The following AHI1 variants were observed in gnomAD, a reference collection of about 807,000 sequenced individuals.
AHI1 encodes the protein jouberin.
AHI1 carries 123 observed loss-of-function variants against 149.3 expected under a neutral mutation model. The ratio of observed to expected loss-of-function variants is 0.82; its 90% confidence interval spans 0.71 to 0.96. The LOEUF (loss-of-function observed/expected upper bound fraction) is 0.96, where lower values mean the gene tolerates loss of function less well. Among genes scored for constraint, AHI1 ranks in the 40% least tolerant of loss-of-function variants. AHI1 has a pLI of 0.00. For missense variants in AHI1, 1,439 were observed against 1,422.7 expected (o/e 1.01, Z -0.18); for synonymous variants, 475 against 459.8 (o/e 1.03, Z -0.42).
At position 135,465,457 on chromosome 6, in the gene AHI1, G is replaced by C. The variant is rs537603107; in HGVS notation, c.749+357C>G. ...AAACAGGTATTTGTAACTCAAAAAA[G>C]GGGAAGTAATTAGGTTTCTATTACT... On this transcript the variant is annotated intron_variant, in intron 7 of 28. Transcript: ENST00000265602. Among the ~76,000 whole-genome samples, 7 of 152,246 alleles carry C rather than the reference G, an allele frequency of 4.6e-5. No homozygotes were observed. The South Asian group carries it at 1.0e-3, about 23-fold the overall frequency.
intron 9 of AHI1, among the ~76,000 whole-genome samples, chr6:135,457,156 T>C (rs1356875019): frequency 1.3e-5 from 2 of 151,990 alleles, no homozygotes; most frequent in Admixed American, 6.6e-5. Flanking sequence ...TGGTGGCGAG[T>C]GCCTGTAATC....
Position 135,446,998 on chromosome 6 carries a change from A to G in AHI1, c.1779+10T>C. 5.6e-6 allele frequency: 9 copies of G among 1,603,464 alleles called. No individual in the cohort carries two copies. The highest frequency in any genetic ancestry group is 7.7e-6 in the Non-Finnish European group (9 of 1,175,456). On this transcript the variant is annotated intron_variant, in intron 13 of 28. Coordinates refer to ENST00000265602, the MANE Select transcript of AHI1 (RefSeq NM_001134831.2). ...CATCTAAATAAATCCACTATTATCA[A>G]ACACTTCACCTGCCCAGGGAGTCGT...
intron 5 of AHI1, among the ~76,000 whole-genome samples, chr6:135,474,944 C>T (rs1016241489): frequency 1.6e-4 from 24 of 152,170 alleles, no homozygotes; most frequent in African/African-American, 5.8e-4. Flanking sequence ...CAAGGATCAC[C>T]TCTTATTTTA....
Position 135,302,178 on chromosome 6 carries a change from T to C in AHI1, c.3427-1620A>G, listed in dbSNP as rs530464564. On this transcript the variant is annotated intron_variant, in intron 26 of 28. Transcript: ENST00000265602. ...AGCTATTCTTTACAAGGTCTCAGTA[T>C]CATTTTTCTCTCTTTGCCCATGGCA... 1.2e-5 allele frequency: 12 copies of C among 985,330 alleles called. No individual in the cohort carries two copies. In the Admixed American group the frequency reaches 1.8e-4, roughly 15 times the overall value. The allele number at this position is 985,330 out of a possible 1,614,324, so 61.0% of individuals were successfully genotyped here.
intron 5 of AHI1, among the ~76,000 whole-genome samples, chr6:135,471,350 G>A (rs1791660289): frequency 6.6e-6 from 1 of 152,142 alleles, no homozygotes; most frequent in African/African-American, 2.4e-5. Context: ...AGTTTCCAGA[G>A]TATCTTCAGT....
chr6:135,340,835 A>C (rs1483689078), intron 24 of AHI1, among the ~76,000 whole-genome samples: 6 of 151,286 alleles, frequency 4.0e-5, no homozygotes, highest in Non-Finnish European at 1.5e-5. Flanking sequence ...CAGAAGGGAA[A>C]TGAACTATCT....
At chr6:135,398,399 T>C (rs1401321848) in intron 22 of AHI1, among the ~76,000 whole-genome samples, 2 of 152,108 alleles carry the variant, frequency 1.3e-5, no homozygotes, top group East Asian at 3.8e-4. Context: ...TCTACAGCAA[T>C]AAGATACCAG....
At chr6:135,422,883 C>T (rs778331113) in intron 20 of AHI1, among the ~76,000 whole-genome samples, 10 of 151,678 alleles carry the variant, frequency 6.6e-5, no homozygotes, top group Non-Finnish European at 1.2e-4. Context: ...AAATTGAAAA[C>T]CAACAACACA....
chr6:135,303,051 C>T (rs186229750), intron 26 of AHI1, among the ~76,000 whole-genome samples: 4 of 152,258 alleles, frequency 2.6e-5, no homozygotes, highest in East Asian at 1.9e-4. Flanking sequence ...TAGAGACTTG[C>T]GCTTTCCAAA....
chr6:135,406,449 T>C (rs879321512), intron 21 of AHI1, among the ~76,000 whole-genome samples: 2 of 152,152 alleles, frequency 1.3e-5, no homozygotes, highest in Non-Finnish European at 2.9e-5. Context: ...TGGCTTGATC[T>C]CTGTAAGCCT....
At chr6:135,300,884 A>G in intron 26 of AHI1, 1 of 1,027,026 alleles carries the variant, frequency 9.7e-7, no homozygotes, top group South Asian at 4.2e-5. Flanking sequence ...GTGGTATATT[A>G]CTTAAGCTCT....
At chr6:135,398,414 A>C (rs548388119) in intron 22 of AHI1, among the ~76,000 whole-genome samples, 1 of 152,286 alleles carries the variant, frequency 6.6e-6, no homozygotes, top group South Asian at 2.1e-4. Context: ...TACCAGAAAA[A>C]TCTTACCCCC....
rs371975498 is a variant in AHI1, at chr6:135,420,349, A to G, written c.2764+6818T>C. ...TTACGAAATGTATTTCTTAAATACTAAGACGTGAAAGTCAAAATTACTCCT... is the reference window on the plus strand; with the variant it reads ...TTACGAAATGTATTTCTTAAATACTGAGACGTGAAAGTCAAAATTACTCCT... On this transcript the variant is annotated intron_variant, in intron 20 of 28. Coordinates refer to ENST00000265602, the MANE Select transcript of AHI1 (RefSeq NM_001134831.2). Among the ~76,000 whole-genome samples, 38 of 152,308 alleles carry G rather than the reference A, an allele frequency of 2.5e-4. 1 individual carries two copies. In the East Asian group the frequency reaches 6.2e-3, roughly 25 times the overall value.
At position 135,487,724 on chromosome 6, in the gene AHI1, A is replaced by T. The variant is rs141167445; in HGVS notation, c.135+2899T>A. 2.5e-3 allele frequency among the ~76,000 whole-genome samples: 384 copies of T among 152,260 alleles called. 1 individual carries two copies. The highest frequency in any genetic ancestry group is 9.1e-3 in the African/African-American group (377 of 41,560). On this transcript the variant is annotated intron_variant, in intron 5 of 28. Coordinates refer to ENST00000265602, the MANE Select transcript of AHI1 (RefSeq NM_001134831.2). ...TTTTGAAATATACAATAAATTATTAACTGTAATTTCCCTACTGTAATACTG... is the reference window on the plus strand; with the variant it reads ...TTTTGAAATATACAATAAATTATTATCTGTAATTTCCCTACTGTAATACTG...
intron 11 of AHI1, 49 bp from the exon 12 acceptor site, chr6:135,448,524 T>C (rs1334104731): frequency 7.6e-7 from 1 of 1,318,390 alleles, no homozygotes; most frequent in Admixed American, 2.2e-5. Flanking sequence ...AAAATAAATA[T>C]ATCCAATAAA....
At chr6:135,439,425 G>A (rs1305526325) in intron 14 of AHI1, among the ~76,000 whole-genome samples, 1 of 152,176 alleles carries the variant, frequency 6.6e-6, no homozygotes, top group African/African-American at 2.4e-5. Flanking sequence ...TTGTCACCCA[G>A]TGCTTTTGTT....
chr6:135,492,449 G>A (rs1795375982), intron 3 of AHI1, 158 bp from the exon 4 acceptor site: 1 of 1,258,200 alleles, frequency 7.9e-7, no homozygotes, highest in East Asian at 3.1e-5. Context: ...CAAATGACTT[G>A]GGTACATTTG....
intron 23 of AHI1, among the ~76,000 whole-genome samples, chr6:135,360,619 C>T (rs944217391): frequency 6.6e-6 from 1 of 152,092 alleles, no homozygotes; most frequent in African/African-American, 2.4e-5. Context: ...AGAACCCTGA[C>T]TAGTAATATA....
At chr6:135,398,075 T>G (rs1203015235) in intron 22 of AHI1, among the ~76,000 whole-genome samples, 1 of 150,854 alleles carries the variant, frequency 6.6e-6, no homozygotes, top group Non-Finnish European at 1.5e-5. Context: ...TTTTTTTTTT[T>G]TTTTTGCAAA....
Sources: allele counts gnomAD v4.1 joint callset (sites outside exome capture counted in the v4.1 genomes callset), GRCh38; gene constraint gnomAD v4.1.1; transcripts MANE v1.5; gene names NCBI Gene and HGNC (gene_info 2026-07-23, HGNC 2026-07-21).